RAB3IP: variants seen among roughly 807,000 people sequenced by gnomAD.
RAB3IP encodes rab-3A-interacting protein.
RAB3IP carries 36 observed loss-of-function variants against 59.1 expected under a neutral mutation model. That is an observed-to-expected ratio of 0.61 (90% confidence interval 0.47 to 0.80). The LOEUF (loss-of-function observed/expected upper bound fraction) is 0.80. Among genes scored for constraint, RAB3IP ranks in the 30% least tolerant of loss-of-function variants. The pLI is 0.00. For missense variants in RAB3IP, 511 were observed against 536.0 expected (o/e 0.95, Z 0.46); for synonymous variants, 207 against 191.2 (o/e 1.08, Z -0.68).
intron 3 of RAB3IP, among the ~76,000 whole-genome samples, chr12:69,771,298 A>G (rs1216821036): frequency 6.6e-6 from 1 of 152,178 alleles, no homozygotes; most frequent in Non-Finnish European, 1.5e-5. Flanking sequence ...TGGAAGGCCA[A>G]AGTGGGAGGA....
intron 3 of RAB3IP, among the ~76,000 whole-genome samples, chr12:69,761,071 GT>G (rs1481625823): frequency 6.6e-6 from 1 of 152,158 alleles, no homozygotes; most frequent in African/African-American, 2.4e-5. Context: ...GCTTGCTGGT[GT>G]TACAGTCTTT....
chr12:69,800,668 G>A (rs577689771), intron 7 of RAB3IP, among the ~76,000 whole-genome samples: 67 of 152,198 alleles, frequency 4.4e-4, no homozygotes, highest in Admixed American at 2.4e-3. Context: ...CTCTGTTAAA[G>A]GCATTTGTTG....
intron 1 of RAB3IP, among the ~76,000 whole-genome samples, chr12:69,751,734 A>G (rs1410652672): frequency 6.6e-6 from 1 of 152,080 alleles, no homozygotes; most frequent in East Asian, 1.9e-4. Flanking sequence ...ACATTCCATT[A>G]GGGATATATA....
Position 69,741,946 on chromosome 12 carries a change from A to AT in RAB3IP, c.-26+2922dup, listed in dbSNP as rs551145033. ...TGTAATTCTCATTGTGTCACCAGAG[A>AT]TTTTTTTAAATCAAATACTCATTGA... On this transcript the variant is annotated intron_variant, in intron 1 of 10. Transcript: ENST00000247833. 1.8e-4 allele frequency among the ~76,000 whole-genome samples: 27 copies of AT among 152,314 alleles called. No homozygotes were observed. In the South Asian group the frequency reaches 3.5e-3, roughly 20 times the overall value.
chr12:69,810,268 C>T (rs2136281271), intron 8 of RAB3IP, among the ~76,000 whole-genome samples: 1 of 152,266 alleles, frequency 6.6e-6, no homozygotes, highest in South Asian at 2.1e-4. Flanking sequence ...AGTTTTGTCT[C>T]AGAGGAGTAC....
At chr12:69,792,689 C>T (rs1386364587) in intron 4 of RAB3IP, among the ~76,000 whole-genome samples, 1 of 152,154 alleles carries the variant, frequency 6.6e-6, no homozygotes, top group Non-Finnish European at 1.5e-5. Flanking sequence ...CAGTCTAGTG[C>T]TCATCTTTCC....
intron 3 of RAB3IP, among the ~76,000 whole-genome samples, chr12:69,773,023 T>A (rs371139189): frequency 6.6e-6 from 1 of 152,190 alleles, no homozygotes; most frequent in African/African-American, 2.4e-5. Flanking sequence ...TCTGGGAAAC[T>A]TTTAATCTTC....
intron 1 of RAB3IP, among the ~76,000 whole-genome samples, chr12:69,742,405 G>C (rs1479938937): frequency 6.6e-6 from 1 of 152,172 alleles, no homozygotes; most frequent in African/African-American, 2.4e-5. Flanking sequence ...AGTTGTACCA[G>C]ATGGTACTCT....
intron 4 of RAB3IP, among the ~76,000 whole-genome samples, chr12:69,789,082 A>G (rs1016653430): frequency 6.6e-6 from 1 of 152,092 alleles, no homozygotes; most frequent in Non-Finnish European, 1.5e-5. Flanking sequence ...TTAAAAAAGA[A>G]GAACAATCTC....
rs901955603 is a variant in RAB3IP at position 69,815,888 on chromosome 12, G to C, written c.*442G>C. ...TTCCAAGGCCCCCACCTCTAGAATGGCTTTATTTTTATCTGTTTTCTATAT... is the reference window on the plus strand; with the variant it reads ...TTCCAAGGCCCCCACCTCTAGAATGCCTTTATTTTTATCTGTTTTCTATAT... On this transcript the variant is annotated 3_prime_UTR_variant, in exon 11 of 11. Transcript: ENST00000247833. 6.6e-6 allele frequency: 1 copy of C among 152,606 alleles called. No homozygotes were observed. Among genetic ancestry groups the C allele is most frequent in the Non-Finnish European group, 1.5e-5 (1 of 68,104 alleles). The allele number at this position is 152,606 out of a possible 1,614,324, so 9.5% of individuals were successfully genotyped here.
At chr12:69,783,416 A>T (rs975432695) in intron 3 of RAB3IP, among the ~76,000 whole-genome samples, 1 of 151,800 alleles carries the variant, frequency 6.6e-6, no homozygotes, top group African/African-American at 2.4e-5. Context: ...TTCCCTCTTT[A>T]TATCTTATCC....
intron 4 of RAB3IP, among the ~76,000 whole-genome samples, chr12:69,789,568 C>T (rs1876272199): frequency 6.6e-6 from 1 of 152,102 alleles, no homozygotes; most frequent in African/African-American, 2.4e-5. Flanking sequence ...GAAGAGGGAA[C>T]CCTTCCAAAC....
rs771831829 is a variant in RAB3IP, at chr12:69,756,540, T to C, written c.387T>C (p.Asp129=). ...GTGCTACTATAACAGAGGCTTGCGA[T>C]GGCAGTGATGATATTTTTGGGTTGA... ...LQGATITEAC[D]GSDDIFGLST... The change falls in exon 3 of 11, where the codon GAT becomes GAC. Residue 129 remains aspartate, a synonymous_variant. Coordinates refer to ENST00000247833, the MANE Select transcript of RAB3IP (RefSeq NM_022456.5). 1.9e-6 allele frequency: 3 copies of C among 1,614,076 alleles called. No individual in the cohort carries two copies. Among genetic ancestry groups the C allele is most frequent in the East Asian group, 2.2e-5 (1 of 44,898 alleles).
chr12:69,744,115 C>T (rs972132420), intron 1 of RAB3IP, among the ~76,000 whole-genome samples: 102 of 152,134 alleles, frequency 6.7e-4, no homozygotes, highest in Non-Finnish European at 1.1e-3. Context: ...AGGTATTTCT[C>T]CTAATGCTAT....
At chr12:69,802,336 T>C (rs1254503270) in intron 8 of RAB3IP, among the ~76,000 whole-genome samples, 2 of 152,112 alleles carry the variant, frequency 1.3e-5, no homozygotes, top group Admixed American at 1.3e-4. Flanking sequence ...TAAAGGATTC[T>C]CACTTAAATA....
At chr12:69,805,415 C>A (rs1010804514) in intron 8 of RAB3IP, among the ~76,000 whole-genome samples, 1 of 152,166 alleles carries the variant, frequency 6.6e-6, no homozygotes, top group Non-Finnish European at 1.5e-5. Context: ...ATGGGGTTTT[C>A]TATGTGTACA....
At chr12:69,790,458 AC>A (rs1876425530) in intron 4 of RAB3IP, among the ~76,000 whole-genome samples, 1 of 152,210 alleles carries the variant, frequency 6.6e-6, no homozygotes, top group Non-Finnish European at 1.5e-5. Flanking sequence ...AAGAATTAAT[AC>A]TGTTAAAATG....
chr12:69,809,196 ATTATT>A (rs774287484), intron 8 of RAB3IP, among the ~76,000 whole-genome samples: 17 of 150,154 alleles, frequency 1.1e-4, no homozygotes, highest in Non-Finnish European at 2.1e-4. Context: ...TGGGTTGAAA[ATTATT>A]TTCTTTAAGA....
intron 8 of RAB3IP, among the ~76,000 whole-genome samples, chr12:69,809,666 A>G (rs1260667986): frequency 6.6e-6 from 1 of 152,048 alleles, no homozygotes; most frequent in East Asian, 1.9e-4. Context: ...TCCATCACTG[A>G]TACCCTTTCT....
Sources: allele counts gnomAD v4.1 joint callset (sites outside exome capture counted in the v4.1 genomes callset), GRCh38; gene constraint gnomAD v4.1.1; transcripts MANE v1.5; gene names NCBI Gene and HGNC (gene_info 2026-07-23, HGNC 2026-07-21).